Variants in LINC00305 observed in about 807,000 individuals in gnomAD.
LINC00305 encodes the protein long intergenic non-protein coding RNA 305.
chr18:64,099,748 T>C (rs1378864046), intron 1 of LINC00305, among the ~76,000 whole-genome samples: 1 of 152,168 alleles, frequency 6.6e-6, no homozygotes, highest in Non-Finnish European at 1.5e-5. Context: ...TCCTCGTTTC[T>C]CATTGCAGAT....
At chr18:64,106,116 C>A (rs2144244858) in intron 1 of LINC00305, among the ~76,000 whole-genome samples, 1 of 152,300 alleles carries the variant, frequency 6.6e-6, no homozygotes, top group East Asian at 1.9e-4. Context: ...CTGATTGGCA[C>A]CTGAACTTTA....
intron 1 of LINC00305, among the ~76,000 whole-genome samples, chr18:64,115,479 C>T (rs1359894957): frequency 6.6e-6 from 1 of 151,744 alleles, no homozygotes. Context: ...TGTGGGGAGG[C>T]TGCTTATGGG....
chr18:64,084,381 C>T lies in LINC00305; in HGVS notation n.541-3979G>A, dbSNP rs529361004. ...CAAAATAGTTTGTACAACAAACCCC[C>T]GTGACACAAGTTTACCTAGGTAACA... On this transcript the variant is annotated intron_variant and non_coding_transcript_variant, in intron 3 of 3. Coordinates refer to ENST00000666468, the Ensembl canonical transcript of LINC00305. Among the ~76,000 whole-genome samples the T allele has an allele frequency of 7.9e-5, 12 of 152,130 alleles. No individual in the cohort carries two copies. The East Asian group carries it at 1.5e-3, about 20-fold the overall frequency.
intron 1 of LINC00305, among the ~76,000 whole-genome samples, chr18:64,139,260 C>T (rs2051449822): frequency 6.6e-6 from 1 of 152,208 alleles, no homozygotes; most frequent in South Asian, 2.1e-4. Flanking sequence ...TCTTTACTTT[C>T]TTTCCTCAAA....
intron 3 of LINC00305, among the ~76,000 whole-genome samples, chr18:64,095,348 TACTCA>T (rs1285630992): frequency 6.6e-6 from 1 of 152,182 alleles, no homozygotes; most frequent in African/African-American, 2.4e-5. Flanking sequence ...AGGGACATAG[TACTCA>T]ACATCCAGGA....
At chr18:64,121,816 T>TAAG (rs1390795176) in intron 1 of LINC00305, among the ~76,000 whole-genome samples, 2 of 152,130 alleles carry the variant, frequency 1.3e-5, no homozygotes, top group Non-Finnish European at 2.9e-5. Context: ...GAACAGTGTA[T>TAAG]AAGAGTTCCC....
chr18:64,117,145 T>G (rs970429547), intron 1 of LINC00305, among the ~76,000 whole-genome samples: 1 of 152,148 alleles, frequency 6.6e-6, no homozygotes, highest in African/African-American at 2.4e-5. Context: ...CTAACTGTGG[T>G]TCTTCTGTAG....
At chr18:64,121,553 A>G (rs1427499076) in intron 1 of LINC00305, among the ~76,000 whole-genome samples, 1 of 152,228 alleles carries the variant, frequency 6.6e-6, no homozygotes, top group East Asian at 1.9e-4. Flanking sequence ...ATAGTATTCC[A>G]TTGGGTATAT....
intron 1 of LINC00305, among the ~76,000 whole-genome samples, chr18:64,140,580 T>A (rs913337023): frequency 5.9e-5 from 9 of 152,138 alleles, no homozygotes; most frequent in Non-Finnish European, 1.3e-4. Flanking sequence ...TCTCCCCAAC[T>A]AAAATGAACG....
At chr18:64,123,579 C>T (rs2051371555) in intron 1 of LINC00305, among the ~76,000 whole-genome samples, 2 of 152,118 alleles carry the variant, frequency 1.3e-5, no homozygotes, top group South Asian at 4.1e-4. Context: ...TTTCTTCTCA[C>T]TTACCCCAAC....
chr18:64,114,152 C>G (rs957517590), intron 1 of LINC00305, among the ~76,000 whole-genome samples: 18 of 152,228 alleles, frequency 1.2e-4, no homozygotes, highest in Middle Eastern at 6.8e-3. Context: ...CGCCTGCAGT[C>G]CCAGCTACTC....
At chr18:64,126,804 C>G (rs1015912884) in intron 1 of LINC00305, among the ~76,000 whole-genome samples, 1 of 152,098 alleles carries the variant, frequency 6.6e-6, no homozygotes, top group African/African-American at 2.4e-5. Flanking sequence ...GAGATCTCTC[C>G]AAATAACTAC....
At chr18:64,116,960 A>G (rs1008221073) in intron 1 of LINC00305, among the ~76,000 whole-genome samples, 1 of 152,170 alleles carries the variant, frequency 6.6e-6, no homozygotes, top group Non-Finnish European at 1.5e-5. Flanking sequence ...AAGCCAAACA[A>G]AATTCACACA....
intron 1 of LINC00305, among the ~76,000 whole-genome samples, chr18:64,104,850 C>T (rs560727109): frequency 5.9e-4 from 89 of 151,992 alleles, no homozygotes; most frequent in African/African-American, 2.1e-3. Context: ...GAAATCTGGC[C>T]CAGGCTGCAT....
At chr18:64,141,659 TAA>T (rs1380376530) in intron 1 of LINC00305, among the ~76,000 whole-genome samples, 6 of 152,226 alleles carry the variant, frequency 3.9e-5, no homozygotes, top group Admixed American at 2.6e-4. Context: ...TCATAAACTA[TAA>T]GTTATTAAAT....
At chr18:64,090,582 T>C (rs1187011837) in intron 3 of LINC00305, among the ~76,000 whole-genome samples, 1 of 152,214 alleles carries the variant, frequency 6.6e-6, no homozygotes, top group Non-Finnish European at 1.5e-5. Context: ...TAGCGATCAC[T>C]TGCAGGACTT....
chr18:64,116,974 G>A (rs1392925463), intron 1 of LINC00305, among the ~76,000 whole-genome samples: 5 of 152,076 alleles, frequency 3.3e-5, no homozygotes, highest in Non-Finnish European at 7.4e-5. Context: ...TCACACAACG[G>A]CATTTTTAAC....
At chr18:64,136,987 C>T (rs1487710850) in intron 1 of LINC00305, among the ~76,000 whole-genome samples, 2 of 152,210 alleles carry the variant, frequency 1.3e-5, no homozygotes, top group Non-Finnish European at 2.9e-5. Flanking sequence ...CACCCCTCCC[C>T]AAATCCATGA....
intron 1 of LINC00305, among the ~76,000 whole-genome samples, chr18:64,131,579 A>G (rs2051410042): frequency 6.6e-6 from 1 of 152,156 alleles, no homozygotes; most frequent in Non-Finnish European, 1.5e-5. Flanking sequence ...AAAGCCAACA[A>G]TTTTGTTCTT....
Sources: gnomAD v4.1 joint callset for allele counts (sites outside exome capture counted in the v4.1 genomes callset) on GRCh38, gnomAD v4.1.1 for gene constraint, MANE v1.5 for transcripts, NCBI Gene and HGNC (gene_info 2026-07-23, HGNC 2026-07-21) for gene names.